The following ADARB2 variants were observed in gnomAD, a reference collection of about 807,000 sequenced individuals.
ADARB2 encodes the protein adenosine deaminase RNA specific B2 (inactive).
In ADARB2, 25 loss-of-function variants were observed where a neutral mutation model predicts 62.2. The observed-to-expected ratio is 0.40, with a 90% CI of 0.29 to 0.56. ADARB2 has a LOEUF of 0.56. Among genes scored for constraint, ADARB2 ranks in the 20% least tolerant of loss-of-function variants. The probability of loss-of-function intolerance (pLI) is 0.43; values close to 1 mark genes in which losing one functional copy is unlikely to be tolerated. For missense variants in ADARB2, 1,071 were observed against 1,077.4 expected, an observed-to-expected ratio of 0.99 and a Z score of 0.08; for synonymous variants, 572 against 500.8, an observed-to-expected ratio of 1.14 and a Z score of -1.90.
chr10:1,712,575 C>T (rs1227484873), intron 1 of ADARB2, among the ~76,000 whole-genome samples: 2 of 152,010 alleles, frequency 1.3e-5, no homozygotes, highest in African/African-American at 4.8e-5. Flanking sequence ...CCTTATCCTA[C>T]CCAGAAAGCT....
In ADARB2 at chr10:1,731,386, A is replaced by G. The variant is rs572551494; in HGVS notation, c.100+5665T>C. On this transcript the variant is annotated intron_variant, in intron 1 of 9. Transcript: ENST00000381312. ...GGGATGTCTTGATACTAAGACAGTAACATATGCAAGCAGAGAGGAGTTCTG... is the reference window on the plus strand; with the variant it reads ...GGGATGTCTTGATACTAAGACAGTAGCATATGCAAGCAGAGAGGAGTTCTG... Among the ~76,000 whole-genome samples, 43 of 152,330 alleles carry G rather than the reference A, an allele frequency of 2.8e-4. No homozygotes were observed. The South Asian group carries it at 8.3e-3, about 29-fold the overall frequency.
intron 1 of ADARB2, among the ~76,000 whole-genome samples, chr10:1,580,465 G>C (rs11816776): frequency 6.0e-5 from 9 of 150,178 alleles, no homozygotes; most frequent in African/African-American, 2.2e-4. Flanking sequence ...ATCTCTTCAC[G>C]GGTCTTTCTT....
At chr10:1,443,376 A>G (rs1319430683) in intron 1 of ADARB2, among the ~76,000 whole-genome samples, 1 of 152,186 alleles carries the variant, frequency 6.6e-6, no homozygotes, top group Non-Finnish European at 1.5e-5. Context: ...CTTATTATGC[A>G]GGCGAATTAA....
chr10:1,529,381 C>T (rs751767539), intron 1 of ADARB2, among the ~76,000 whole-genome samples: 12 of 152,152 alleles, frequency 7.9e-5, no homozygotes, highest in Non-Finnish European at 1.2e-4. Context: ...CCCAACACTG[C>T]GAGTCCCCCA....
At chr10:1,713,113 G>A (rs879683385) in intron 1 of ADARB2, among the ~76,000 whole-genome samples, 5 of 152,176 alleles carry the variant, frequency 3.3e-5, no homozygotes, top group Admixed American at 6.5e-5. Flanking sequence ...GGAGTCAGGC[G>A]ATGGAGGCTG....
chr10:1,493,571 C>T (rs1588276816), intron 1 of ADARB2, among the ~76,000 whole-genome samples: 1 of 152,010 alleles, frequency 6.6e-6, no homozygotes, highest in African/African-American at 2.4e-5. Context: ...GAACCTATTT[C>T]CTCAATTAAT....
At chr10:1,510,062 ACT>A (rs796524358) in intron 1 of ADARB2, among the ~76,000 whole-genome samples, 43 of 83,050 alleles carry the variant, frequency 5.2e-4, no homozygotes, top group African/African-American at 1.9e-3. Flanking sequence ...TCTCTCTCTC[ACT>A]CTTTCTTTCT....
At chr10:1,394,069 C>T (rs1427224261) in intron 1 of ADARB2, among the ~76,000 whole-genome samples, 1 of 152,212 alleles carries the variant, frequency 6.6e-6, no homozygotes, top group Non-Finnish European at 1.5e-5. Flanking sequence ...GCTCCACTCA[C>T]TCGTCCCAGG....
At chr10:1,328,871 A>C (rs1463492491) in intron 3 of ADARB2, among the ~76,000 whole-genome samples, 1 of 152,056 alleles carries the variant, frequency 6.6e-6, no homozygotes, top group Non-Finnish European at 1.5e-5. Context: ...GTGTGTCTGC[A>C]GTCCCAGCCA....
chr10:1,630,572 G>A (rs1389705208), intron 1 of ADARB2, among the ~76,000 whole-genome samples: 1 of 152,198 alleles, frequency 6.6e-6, no homozygotes, highest in Admixed American at 6.5e-5. Context: ...CAGAGGGGGT[G>A]TGTGCTGGAT....
chr10:1,695,884 A>G (rs551301389), intron 1 of ADARB2, among the ~76,000 whole-genome samples: 2 of 152,208 alleles, frequency 1.3e-5, no homozygotes, highest in South Asian at 2.1e-4. Context: ...ATGAGGACAC[A>G]CACATGCATG....
chr10:1,299,560 TGA>T (rs138667654), intron 3 of ADARB2, among the ~76,000 whole-genome samples: 7,368 of 152,160 alleles, frequency 0.048, 197 homozygotes, highest in Non-Finnish European at 0.063. Flanking sequence ...ATCGCCTGTG[TGA>T]GATTCTCAGC....
chr10:1,619,801 G>A (rs2132026294), intron 1 of ADARB2, among the ~76,000 whole-genome samples: 2 of 152,034 alleles, frequency 1.3e-5, no homozygotes, highest in Middle Eastern at 3.4e-3. Flanking sequence ...TAATATGCTA[G>A]ATTAGAAAAA....
chr10:1,259,172 T>G (rs552446330), intron 4 of ADARB2, among the ~76,000 whole-genome samples: 1 of 152,098 alleles, frequency 6.6e-6, no homozygotes, highest in Non-Finnish European at 1.5e-5. Context: ...AAATTTATAG[T>G]GCTAAATGCC....
At position 1,464,744 on chromosome 10, in the gene ADARB2, C is replaced by T. The variant is rs1409620261; in HGVS notation, c.101-85584G>A. Among the ~76,000 whole-genome samples the T allele has an allele frequency of 6.8e-5, 9 of 133,016 alleles. 1 individual carries two copies. The highest frequency in any genetic ancestry group is 1.4e-4 in the African/African-American group (5 of 35,576). 87.3% of individuals were successfully genotyped at this position (133,016 alleles called of 152,430 possible). A position where few individuals can be genotyped will look rare whatever the true frequency, so the allele number is the denominator to read the frequency against. ...GGGTGGACACACACTCCCCCACACA[C>T]GCGCTGGGGGCAGTCACAGCGGGCA... On this transcript the variant is annotated intron_variant, in intron 1 of 9. Transcript: ENST00000381312.
chr10:1,481,356 A>G (rs1213080711), intron 1 of ADARB2, among the ~76,000 whole-genome samples: 3 of 152,230 alleles, frequency 2.0e-5, no homozygotes, highest in African/African-American at 7.2e-5. Context: ...ACTCGTAGAA[A>G]AGCTCATCAG....
chr10:1,345,818 C>T (rs1832075885), intron 3 of ADARB2, among the ~76,000 whole-genome samples: 1 of 152,212 alleles, frequency 6.6e-6, no homozygotes, highest in Non-Finnish European at 1.5e-5. Flanking sequence ...ATGGATGCTG[C>T]AGGCCGACAC....
chr10:1,593,077 C>T (rs1270734019), intron 1 of ADARB2, among the ~76,000 whole-genome samples: 4 of 89,420 alleles, frequency 4.5e-5, no homozygotes, highest in Admixed American at 1.2e-4. Flanking sequence ...CCCAGCTTCC[C>T]TCGCCCACGC....
intron 1 of ADARB2, among the ~76,000 whole-genome samples, chr10:1,631,607 G>C (rs1476304211): frequency 6.6e-6 from 1 of 152,190 alleles, no homozygotes; most frequent in East Asian, 1.9e-4. Flanking sequence ...TACAGTTGCA[G>C]TGAGGTGGCT....
Sources: gnomAD v4.1 joint callset for allele counts (sites outside exome capture counted in the v4.1 genomes callset) on GRCh38, gnomAD v4.1.1 for gene constraint, MANE v1.5 for transcripts, NCBI Gene and HGNC (gene_info 2026-07-23, HGNC 2026-07-21) for gene names.